The following CACNA1B variants were observed in gnomAD, a reference collection of about 807,000 sequenced individuals.
CACNA1B encodes the protein voltage-dependent N-type calcium channel subunit alpha-1B.
A neutral mutation model predicts 247.2 loss-of-function variants in CACNA1B; 70 were observed. The observed-to-expected ratio is 0.28, with a 90% confidence interval of 0.23 to 0.35. CACNA1B has a LOEUF of 0.35. CACNA1B is among the 10% of genes least tolerant of loss of function. The probability of loss-of-function intolerance (pLI) is 1.00; values close to 1 mark genes in which losing one functional copy is unlikely to be tolerated. For synonymous variants in CACNA1B, 1,231 were observed against 1,294.4 expected (o/e 0.95, Z 1.05); for missense variants, 2,367 against 3,197.4 (o/e 0.74, Z 6.26).
intron 12 of CACNA1B, among the ~76,000 whole-genome samples, chr9:137,979,765 C>T (rs918209176): frequency 2.6e-5 from 4 of 152,214 alleles, no homozygotes; most frequent in Admixed American, 6.5e-5. Flanking sequence ...GAGACTCCTT[C>T]GGTGTAGTTC....
chr9:138,105,936 C>A, intron 39 of CACNA1B, 129 bp downstream of exon 39: 1 of 621,940 alleles, frequency 1.6e-6, no homozygotes, highest in Non-Finnish European at 2.9e-6. Context: ...GGTCTGAGGA[C>A]AGCTGCACAG....
chr9:138,118,107 A>G, intron 43 of CACNA1B, 26 bp downstream of exon 43: 1 of 1,213,292 alleles, frequency 8.2e-7, no homozygotes, highest in Non-Finnish European at 1.1e-6. Flanking sequence ...GGCTAGTGAG[A>G]CTGGGTTGGG....
At chr9:137,911,578 G>T (rs572642751) in intron 3 of CACNA1B, among the ~76,000 whole-genome samples, 17 of 152,288 alleles carry the variant, frequency 1.1e-4, no homozygotes, top group South Asian at 6.2e-4. Flanking sequence ...ACTGCGCCCA[G>T]CTAGTTTTTG....
rs545406700 is a variant in CACNA1B, at chr9:137,945,044, G to A, written c.967-7230G>A. On this transcript the variant is annotated intron_variant, in intron 6 of 46. Transcript: ENST00000371372. ...GGTATAGGGCCATGAAGACCTGTAC[G>A]TATGGGATTTCTGACAATTTACCCT... Among the ~76,000 whole-genome samples the A allele has an allele frequency of 5.3e-5, 8 of 152,320 alleles. No individual in the cohort carries two copies. In the East Asian group the frequency reaches 7.7e-4, roughly 15 times the overall value.
intron 6 of CACNA1B, among the ~76,000 whole-genome samples, chr9:137,925,330 G>A (rs1957537144): frequency 6.6e-6 from 1 of 152,164 alleles, no homozygotes; most frequent in Non-Finnish European, 1.5e-5. Context: ...TAAATTTGTG[G>A]GCGAATGCCT....
At position 138,100,894 on chromosome 9, in the gene CACNA1B, C is replaced by T. The variant is rs879365039; in HGVS notation, c.5223-1817C>T. Among the ~76,000 whole-genome samples, 1 of 152,102 alleles carries T rather than the reference C, an allele frequency of 6.6e-6. No individual in the cohort carries two copies. The highest frequency in any genetic ancestry group is 2.4e-5 in the African/African-American group (1 of 41,422). The stretch of plus-strand genomic sequence containing the variant: ...TTCTGTGTGGAGCGGCTCCTGCACA[C>T]ATCGGGCTCCGGAAATTTCGCTGGG... On this transcript the variant is annotated intron_variant, in intron 37 of 46. Coordinates refer to ENST00000371372, the MANE Select transcript of CACNA1B (RefSeq NM_000718.4). This position sits in a 1 kb window ranked among gnomAD's most constrained non-coding sequence, Gnocchi z 4.6.
intron 6 of CACNA1B, among the ~76,000 whole-genome samples, chr9:137,924,306 T>C (rs1270817967): frequency 6.6e-6 from 1 of 151,694 alleles, no homozygotes; most frequent in Admixed American, 6.6e-5. Context: ...CCTGCCTTCC[T>C]TCCTTCCTTC....
intron 21 of CACNA1B, among the ~76,000 whole-genome samples, chr9:138,044,483 A>C (rs1959168096): frequency 6.6e-6 from 1 of 152,262 alleles, no homozygotes; most frequent in Non-Finnish European, 1.5e-5. Flanking sequence ...ACAAATAAGT[A>C]AAAGACATAA....
intron 2 of CACNA1B, among the ~76,000 whole-genome samples, chr9:137,879,863 G>A (rs1382727678): frequency 6.6e-6 from 1 of 152,158 alleles, no homozygotes; most frequent in Non-Finnish European, 1.5e-5. Flanking sequence ...TTTTGGAGGT[G>A]AGCAGTTTCT....
chr9:137,878,248 GGGC>G, intron 1 of CACNA1B, 31 bp downstream of exon 1: 1 of 1,211,828 alleles, frequency 8.3e-7, no homozygotes, highest in Non-Finnish European at 1.0e-6. Context: ...GGGCGGGGCC[GGGC>G]GGGGACCGGG....
At chr9:138,107,196 C>G (rs182763390) in intron 39 of CACNA1B, among the ~76,000 whole-genome samples, 8 of 151,674 alleles carry the variant, frequency 5.3e-5, no homozygotes, top group African/African-American at 1.7e-4. Flanking sequence ...ATGCTTAAGC[C>G]GAAACCTTAG....
intron 42 of CACNA1B, among the ~76,000 whole-genome samples, chr9:138,117,321 C>T (rs745535617): frequency 1.3e-5 from 2 of 151,966 alleles, no homozygotes; most frequent in Non-Finnish European, 2.9e-5. Flanking sequence ...GAGCCACCAG[C>T]AAGGGACCCC....
In CACNA1B at chr9:138,087,121, C is replaced by G. The variant is rs145251309; in HGVS notation, c.5094+8863C>G. Among the ~76,000 whole-genome samples, 1,160 of 151,206 alleles carry G rather than the reference C, an allele frequency of 7.7e-3. 68 individuals carry two copies. The highest frequency in any genetic ancestry group is 0.027 in the African/African-American group (1,097 of 40,920). The stretch of plus-strand genomic sequence containing the variant: ...TACAATTTGGCCTGGCACAGTAGCT[C>G]ACGCCTGTAATCCCAGCACTTTGGG... On this transcript the variant is annotated intron_variant, in intron 36 of 46. Transcript: ENST00000371372.
chr9:138,041,169 C>T lies in CACNA1B; in HGVS notation c.3287-2605C>T, dbSNP rs140292374. On this transcript the variant is annotated intron_variant, in intron 20 of 46. Coordinates refer to ENST00000371372, the MANE Select transcript of CACNA1B (RefSeq NM_000718.4). ...CCAGAAGCCTGAGGTGCTGCCAGTC[C>T]AGGCTTACTTTAGCCCCGCTTTGGG... Among the ~76,000 whole-genome samples the T allele has an allele frequency of 2.5e-3, 374 of 152,236 alleles. 1 individual carries two copies. Among genetic ancestry groups the T allele is most frequent in the African/African-American group, 8.8e-3 (364 of 41,538 alleles).
intron 3 of CACNA1B, among the ~76,000 whole-genome samples, chr9:137,893,886 T>C (rs1170588725): frequency 6.6e-6 from 1 of 152,220 alleles, no homozygotes; most frequent in Non-Finnish European, 1.5e-5. Context: ...GGGCCCCTCA[T>C]GCTGCCCTTC....
chr9:137,913,151 A>T lies in CACNA1B; in HGVS notation c.531-29A>T. 2.5e-6 allele frequency: 4 copies of T among 1,569,086 alleles called. No homozygotes were observed. The highest frequency in any genetic ancestry group is 3.5e-6 in the Non-Finnish European group (4 of 1,139,852). ...TTCCAGGCTCAATGTGGAAACCTTT[A>T]CTTCCCTTCTTCTCCTTGTTTCTGC... On this transcript the variant is annotated intron_variant, in intron 3 of 46. Transcript: ENST00000371372. This position sits in a 1 kb window ranked among gnomAD's most constrained non-coding sequence, Gnocchi z 5.2.
chr9:137,908,397 T>C (rs937999078), intron 3 of CACNA1B, among the ~76,000 whole-genome samples: 1 of 151,726 alleles, frequency 6.6e-6, no homozygotes, highest in Admixed American at 6.6e-5. Flanking sequence ...GTGCCTGTAA[T>C]CCCAGCTACT....
intron 15 of CACNA1B, among the ~76,000 whole-genome samples, chr9:138,000,903 A>G (rs1958569215): frequency 6.6e-6 from 1 of 152,196 alleles, no homozygotes; most frequent in South Asian, 2.1e-4. Context: ...TTCGTGTTAC[A>G]ATTTTTATTT....
chr9:137,892,016 C>T (rs1957106958), intron 3 of CACNA1B: 3 of 457,000 alleles, frequency 6.6e-6, no homozygotes, highest in South Asian at 1.5e-5. Context: ...TGGTCCTCCT[C>T]ACTCAGTGTG....
Sources: allele counts gnomAD v4.1 joint callset (sites outside exome capture counted in the v4.1 genomes callset), GRCh38; gene constraint gnomAD v4.1.1; non-coding constraint Gnocchi (gnomAD v3.1); transcripts MANE v1.5; gene names NCBI Gene and HGNC (gene_info 2026-07-23, HGNC 2026-07-21).